PPP4R1: variants seen among roughly 807,000 people sequenced by gnomAD.
PPP4R1 encodes serine/threonine-protein phosphatase 4 regulatory subunit 1.
PPP4R1 carries 42 observed loss-of-function variants against 111.2 expected under a neutral mutation model. The ratio of observed to expected loss-of-function variants is 0.38; its 90% CI spans 0.29 to 0.49. The LOEUF (loss-of-function observed/expected upper bound fraction) is 0.49. Ranked by LOEUF, PPP4R1 falls within the 20% of genes least tolerant of loss-of-function variation. The probability of loss-of-function intolerance (pLI) is 0.97; values close to 1 mark genes in which losing one functional copy is unlikely to be tolerated. For missense variants in PPP4R1, 1,012 were observed against 1,161.6 expected, an observed-to-expected ratio of 0.87 and a Z score of 1.87; for synonymous variants, 409 against 405.5, an observed-to-expected ratio of 1.01 and a Z score of -0.10.
chr18:9,567,087 C>G (rs191181122), intron 11 of PPP4R1, among the ~76,000 whole-genome samples: 2 of 152,302 alleles, frequency 1.3e-5, no homozygotes, highest in African/African-American at 4.8e-5. Flanking sequence ...TCTGATGGAT[C>G]TGGACAAAGT....
chr18:9,580,354 T>G (rs1470860075), intron 9 of PPP4R1, among the ~76,000 whole-genome samples: 1 of 39,718 alleles, frequency 2.5e-5, no homozygotes, highest in African/African-American at 8.0e-5. Context: ...GAGTCTAATT[T>G]TTTTTTTTTT....
At position 9,549,288 on chromosome 18, in the gene PPP4R1, G is replaced by A. The variant is rs772356956; in HGVS notation, c.2598C>T (p.Leu866=). Residue 866 remains leucine, a synonymous_variant, in exon 19 of 20, where the codon CTC becomes CTT. Transcript: ENST00000400556. Reference sequence around the variant, plus strand: ...TTGCTAAGGTTAGCAGATGCGGCATGAGATGCACAGCAAACTGGTCCATGG... The same window carrying A: ...TTGCTAAGGTTAGCAGATGCGGCATAAGATGCACAGCAAACTGGTCCATGG... The part of the protein sequence containing the change: ...CLPMDQFAVH[L]MPHLLTLAND... The A allele has an allele frequency of 1.1e-5, 17 of 1,613,718 alleles. 1 individual carries two copies. Among genetic ancestry groups the A allele is most frequent in the South Asian group, 4.4e-5 (4 of 91,076 alleles).
intron 19 of PPP4R1, among the ~76,000 whole-genome samples, chr18:9,548,423 AAAAT>A (rs1361279701): frequency 6.6e-6 from 1 of 151,902 alleles, no homozygotes; most frequent in Non-Finnish European, 1.5e-5. Context: ...GGGGTCGATT[AAAAT>A]AAATAAACCA....
chr18:9,607,448 T>C (rs2067500507), intron 2 of PPP4R1, among the ~76,000 whole-genome samples: 2 of 151,666 alleles, frequency 1.3e-5, no homozygotes, highest in Non-Finnish European at 2.9e-5. Context: ...CCTTTGTATA[T>C]GTCTTAAGTA....
At chr18:9,580,452 C>T (rs1405156259) in intron 9 of PPP4R1, among the ~76,000 whole-genome samples, 1 of 151,820 alleles carries the variant, frequency 6.6e-6, no homozygotes, top group African/African-American at 2.4e-5. Context: ...CAGGTTCACG[C>T]CATTCTCCTG....
intron 2 of PPP4R1, among the ~76,000 whole-genome samples, chr18:9,601,646 C>A (rs542524955): frequency 6.6e-6 from 1 of 152,178 alleles, no homozygotes; most frequent in South Asian, 2.1e-4. Flanking sequence ...GCAGGCGCCA[C>A]AACACCTGGC....
intron 11 of PPP4R1, among the ~76,000 whole-genome samples, chr18:9,564,738 G>GTGTGTGTGTGT (rs67103985): frequency 4.8e-4 from 6 of 12,530 alleles, no homozygotes; most frequent in East Asian, 1.6e-3. Context: ...GTGTGTGTGT[G>GTGTGTGTGTGT]GGGGTATCAT....
At chr18:9,598,677 A>G (rs560254073) in intron 2 of PPP4R1, among the ~76,000 whole-genome samples, 1 of 152,162 alleles carries the variant, frequency 6.6e-6, no homozygotes, top group East Asian at 1.9e-4. Flanking sequence ...GCAAAAGGAA[A>G]ATTACACCAG....
At chr18:9,560,432 G>A (rs2066654426) in intron 13 of PPP4R1, among the ~76,000 whole-genome samples, 1 of 152,008 alleles carries the variant, frequency 6.6e-6, no homozygotes, top group African/African-American at 2.4e-5. Context: ...TATAGCTGTG[G>A]AAGGATATAA....
chr18:9,591,857 A>G (rs1018513697), intron 4 of PPP4R1, among the ~76,000 whole-genome samples: 1 of 152,188 alleles, frequency 6.6e-6, no homozygotes, highest in African/African-American at 2.4e-5. Context: ...ACTTGAGGCC[A>G]GAAGTTCCAG....
Position 9,563,472 on chromosome 18 carries a change from C to T in PPP4R1, c.1652G>A (p.Arg551Lys), listed in dbSNP as rs752359939. Residue 551 changes from arginine to lysine, a missense_variant, in exon 12 of 20, where the codon AGA becomes AAA. Around this residue, in one of 2 missense-constraint regions of PPP4R1, gnomAD observed 707 missense variants for 742.1 expected, o/e 0.95. Transcript: ENST00000400556. ...ATCCAGTTCATCTTGCAAATCACTT[C>T]TCTTTTCTATACTGATGGTCTCTTC... ...AHEETISIEK[R>K]SDLQDELDIN... The T allele has an allele frequency of 6.2e-7, 1 of 1,607,306 alleles. No homozygotes were observed. The highest frequency in any genetic ancestry group is 1.3e-5 in the African/African-American group (1 of 74,794).
chr18:9,575,708 A>G (rs2066925389), intron 10 of PPP4R1, among the ~76,000 whole-genome samples: 1 of 152,186 alleles, frequency 6.6e-6, no homozygotes, highest in Non-Finnish European at 1.5e-5. Flanking sequence ...AGGTCAGTGA[A>G]GTTTTACTGG....
chr18:9,547,606 C>T lies in PPP4R1; in HGVS notation c.*183G>A. 1 of 603,820 alleles carries T rather than the reference C, an allele frequency of 1.7e-6. No homozygotes were observed. The highest frequency in any genetic ancestry group is 2.9e-6 in the Non-Finnish European group (1 of 345,954). 37.4% of individuals were successfully genotyped at this position (603,820 alleles called of 1,614,324 possible). ...AGTCAAGATAAGATAATAGTGTTTA[C>T]TGTACTTTCTCTTGACTCTTGAAAT... is the stretch of plus-strand genomic sequence containing the variant. On this transcript the variant is annotated 3_prime_UTR_variant, in exon 20 of 20. Coordinates refer to ENST00000400556, the MANE Select transcript of PPP4R1 (RefSeq NM_001042388.3).
Position 9,547,644 on chromosome 18 carries a change from G to T in PPP4R1, c.*145C>A. The T allele has an allele frequency of 1.1e-6, 1 of 886,158 alleles. No individual in the cohort carries two copies. The highest frequency in any genetic ancestry group is 1.8e-6 in the Non-Finnish European group (1 of 569,908). The allele number at this position is 886,158 out of a possible 1,614,324, so 54.9% of individuals were successfully genotyped here. ...TGACTCTTGAAATCCCTGGTATTGG[G>T]TGTAGGCAACTTGCACCTGCAATGA... On this transcript the variant is annotated 3_prime_UTR_variant, in exon 20 of 20. Coordinates refer to ENST00000400556, the MANE Select transcript of PPP4R1 (RefSeq NM_001042388.3).
In PPP4R1 at chr18:9,614,552, G is replaced by C. The variant is rs1470844804; in HGVS notation, c.-68C>G. 5 of 984,588 alleles carry C rather than the reference G, an allele frequency of 5.1e-6. No individual in the cohort carries two copies. Among genetic ancestry groups the C allele is most frequent in the African/African-American group, 1.8e-5 (1 of 56,522 alleles). 61.0% of individuals were successfully genotyped at this position (984,588 alleles called of 1,614,324 possible). A position where few individuals can be genotyped will look rare whatever the true frequency, so the allele number is the denominator to read the frequency against. ...GCTACATGGAGCGGCGCGAGCCGGGGAGCCGGTGGACGCGCGCGGGAGGGG... is the reference window on the plus strand; with the variant it reads ...GCTACATGGAGCGGCGCGAGCCGGGCAGCCGGTGGACGCGCGCGGGAGGGG... On this transcript the variant is annotated 5_prime_UTR_variant, in exon 1 of 20. Transcript: ENST00000400556. This position sits in a 1 kb window ranked among gnomAD's most constrained non-coding sequence, Gnocchi z 4.1.
intron 12 of PPP4R1, 62 bp downstream of exon 12, chr18:9,563,316 C>A: frequency 6.8e-7 from 1 of 1,468,656 alleles, no homozygotes; most frequent in Non-Finnish European, 9.2e-7. Context: ...CAACTATTCC[C>A]CAATGAAAGA....
chr18:9,582,684 T>C (rs1276521989), intron 9 of PPP4R1, among the ~76,000 whole-genome samples: 1 of 152,208 alleles, frequency 6.6e-6, no homozygotes, highest in Non-Finnish European at 1.5e-5. Context: ...TATGAGGCCA[T>C]TATTACTCTG....
chr18:9,560,575 C>T (rs1298657523), intron 13 of PPP4R1, among the ~76,000 whole-genome samples: 3 of 152,020 alleles, frequency 2.0e-5, no homozygotes, highest in Non-Finnish European at 4.4e-5. Flanking sequence ...TATCCATATA[C>T]ACAAAATGAA....
At chr18:9,616,921 G>T (rs935043294), upstream of PPP4R1, among the ~76,000 whole-genome samples, 5 of 152,264 alleles carry the variant, frequency 3.3e-5, no homozygotes, top group Non-Finnish European at 4.4e-5. Context: ...TGCAAGAAGT[G>T]CCTTTAAGCA....
Sources: gnomAD v4.1 joint callset for allele counts (sites outside exome capture counted in the v4.1 genomes callset) on GRCh38, gnomAD v4.1.1 for gene constraint, gnomAD v4.1.1 regional missense constraint, Gnocchi (gnomAD v3.1) non-coding constraint, MANE v1.5 for transcripts, NCBI Gene and HGNC (gene_info 2026-07-23, HGNC 2026-07-21) for gene names.